HECW1: variants seen among roughly 807,000 people sequenced by gnomAD.
HECW1 encodes the protein HECT, C2 and WW domain containing E3 ubiquitin protein ligase 1.
A neutral mutation model predicts 182.3 loss-of-function variants in HECW1; 61 were observed. The ratio of observed to expected loss-of-function variants is 0.33; its 90% CI spans 0.27 to 0.41. HECW1 has a LOEUF of 0.41. Among genes scored for constraint, HECW1 ranks in the 10% least tolerant of loss-of-function variants. The pLI, the probability that HECW1 is intolerant of heterozygous loss-of-function variation, is 1.00. For missense variants in HECW1, 1,739 were observed against 2,108.9 expected, an observed-to-expected ratio of 0.82 and a Z score of 3.44; for synonymous variants, 859 against 832.6, an observed-to-expected ratio of 1.03 and a Z score of -0.55.
At chr7:43,217,399 C>T (rs1796539842) in intron 2 of HECW1, among the ~76,000 whole-genome samples, 1 of 152,210 alleles carries the variant, frequency 6.6e-6, no homozygotes, top group Non-Finnish European at 1.5e-5. Flanking sequence ...ACATGTTTCT[C>T]TCTACTTCAA....
At chr7:43,194,722 C>G (rs1334392886) in intron 2 of HECW1, among the ~76,000 whole-genome samples, 2 of 148,880 alleles carry the variant, frequency 1.3e-5, no homozygotes, top group African/African-American at 4.9e-5. Context: ...GAGATGGAGT[C>G]TCACTCTGTC....
At position 43,277,430 on chromosome 7, in the gene HECW1, T is replaced by C. The variant is rs115143420; in HGVS notation, c.27+33498T>C. 9.8e-3 allele frequency among the ~76,000 whole-genome samples: 1,496 copies of C among 152,300 alleles called. 26 individuals carry two copies. Among genetic ancestry groups the C allele is most frequent in the African/African-American group, 0.034 (1,421 of 41,550 alleles). On this transcript the variant is annotated intron_variant, in intron 3 of 29. Transcript: ENST00000395891. ...GCAGCCTGAAGCCATGGTTTTTCGT[T>C]TCTGTCTGTACTGATAAGCAGATAA...
rs552438173 is a variant in HECW1, at chr7:43,157,567, C to CT, written c.-32+43179dup. Reference sequence around the variant, plus strand: ...AAGGATAAAATTGATATATTCTTTTCTTTCTTTTTTTGAGACAGGGTCTCA... The same window carrying CT: ...AAGGATAAAATTGATATATTCTTTTCTTTTCTTTTTTTGAGACAGGGTCTCA... On this transcript the variant is annotated intron_variant, in intron 2 of 29. Coordinates refer to ENST00000395891, the MANE Select transcript of HECW1 (RefSeq NM_015052.5). 4.9e-3 allele frequency among the ~76,000 whole-genome samples: 740 copies of CT among 152,198 alleles called. 4 individuals carry two copies. The highest frequency in any genetic ancestry group is 0.02 in the Middle Eastern group (6 of 294).
chr7:43,423,796 C>T (rs1209670124), intron 8 of HECW1, among the ~76,000 whole-genome samples: 1 of 152,136 alleles, frequency 6.6e-6, no homozygotes, highest in Non-Finnish European at 1.5e-5. Context: ...ACACTACAGA[C>T]TGGAGCTGGA....
At chr7:43,537,470 C>T (rs2081217441) in intron 24 of HECW1, among the ~76,000 whole-genome samples, 1 of 152,220 alleles carries the variant, frequency 6.6e-6, no homozygotes, top group Non-Finnish European at 1.5e-5. Flanking sequence ...ATGTAATCAA[C>T]TTCCCCACAG....
At chr7:43,272,792 C>T (rs1276807815) in intron 3 of HECW1, among the ~76,000 whole-genome samples, 2 of 152,166 alleles carry the variant, frequency 1.3e-5, no homozygotes, top group South Asian at 2.1e-4. Context: ...ACAGAGCTAT[C>T]GTTTGTCCCA....
intron 24 of HECW1, chr7:43,522,564 G>A (rs114348901): frequency 0.021 from 3,149 of 153,346 alleles, 125 homozygotes; most frequent in African/African-American, 0.072. Flanking sequence ...TGGCCCTGGC[G>A]TGCTCTCACC....
At position 43,311,774 on chromosome 7, in the gene HECW1, G is replaced by A. The variant is rs915205808; in HGVS notation, c.39G>A (p.Gln13=). 4 of 1,613,894 alleles carry A rather than the reference G, an allele frequency of 2.5e-6. No homozygotes were observed. In the South Asian group the frequency reaches 4.4e-5, roughly 18 times the overall value. The change falls in exon 4 of 30, where the codon CAG becomes CAA. Residue 13 remains glutamine (Q), a synonymous_variant. Coordinates refer to ENST00000395891, the MANE Select transcript of HECW1 (RefSeq NM_015052.5). ...LHLCSVKNLY[Q]NRFLGLAAMA... is the part of the protein sequence containing the mutation. The stretch of plus-strand genomic sequence containing the variant: ...CTTTGCTCCCACAGAATCTGTACCA[G>A]AACAGGTTTTTAGGCCTGGCCGCCA...
chr7:43,209,411 A>G (rs1035217234), intron 2 of HECW1, among the ~76,000 whole-genome samples: 3 of 151,776 alleles, frequency 2.0e-5, no homozygotes, highest in Admixed American at 6.6e-5. Flanking sequence ...TGAGCCTCTC[A>G]CTCTGGATCC....
chr7:43,467,207 A>G (rs1408742196), intron 15 of HECW1, among the ~76,000 whole-genome samples: 2 of 152,186 alleles, frequency 1.3e-5, no homozygotes, highest in Admixed American at 1.3e-4. Flanking sequence ...TTGAGGAGCA[A>G]TGACGTGAAA....
In HECW1 at chr7:43,561,984, A is replaced by T; in HGVS notation, c.*58A>T. The stretch of plus-strand genomic sequence containing the variant: ...CAGTGACATCACCCTTCCTGGGATG[A>T]TCCCCTTTTCCCTTTCCCTTAATCA... On this transcript the variant is annotated 3_prime_UTR_variant, in exon 30 of 30. Coordinates refer to ENST00000395891, the MANE Select transcript of HECW1 (RefSeq NM_015052.5). The T allele has an allele frequency of 1.0e-6, 1 of 993,822 alleles. No individual in the cohort carries two copies. The highest frequency in any genetic ancestry group is 1.6e-6 in the Non-Finnish European group (1 of 622,594). The allele number at this position is 993,822 out of a possible 1,614,324, so 61.6% of individuals were successfully genotyped here.
rs1036976850 is a variant in HECW1, at chr7:43,424,538, G to A, written c.802-13465G>A. ...CTCGGGAAGCTGAGGTGGGAAAATG[G>A]CTTGAGCCCGGGGGGTCAAGGCTGC... On this transcript the variant is annotated intron_variant, in intron 8 of 29. Transcript: ENST00000395891. Among the ~76,000 whole-genome samples the A allele has an allele frequency of 2.6e-5, 4 of 152,068 alleles. No individual in the cohort carries two copies. The East Asian group carries it at 5.8e-4, about 22-fold the overall frequency.
rs564903192 is a variant in HECW1 at position 43,457,699 on chromosome 7, C to T, written c.2651+1252C>T. 5.3e-5 allele frequency among the ~76,000 whole-genome samples: 8 copies of T among 151,298 alleles called. No homozygotes were observed. In the South Asian group the frequency reaches 6.3e-4, roughly 12 times the overall value. On this transcript the variant is annotated intron_variant, in intron 13 of 29. Transcript: ENST00000395891. ...CTGAGGCAGGAGAATCGCTTGAACC[C>T]GGGAGGCAGAGGTTGCAGTGAGCTG... is the stretch of plus-strand genomic sequence containing the variant.
At position 43,311,746 on chromosome 7, in the gene HECW1, T is replaced by G. The variant is rs763522439; in HGVS notation, c.28-17T>G. On this transcript the variant is annotated splice_polypyrimidine_tract_variant and intron_variant, in intron 3 of 29. Coordinates refer to ENST00000395891, the MANE Select transcript of HECW1 (RefSeq NM_015052.5). ...CGGCGTGCCCTGACCCTGCTCACTG[T>G]CTCTTTGCTCCCACAGAATCTGTAC... 6.2e-7 allele frequency: 1 copy of G among 1,613,172 alleles called. No individual in the cohort carries two copies. The highest frequency in any genetic ancestry group is 1.1e-5 in the South Asian group (1 of 91,072).
intron 9 of HECW1, chr7:43,438,677 C>T (rs1485828147): frequency 1.3e-5 from 2 of 152,212 alleles, no homozygotes; most frequent in African/African-American, 4.8e-5. Flanking sequence ...TCACAGAATT[C>T]AATTGTATAT....
At chr7:43,218,318 C>T (rs1179311215) in intron 2 of HECW1, among the ~76,000 whole-genome samples, 2 of 152,224 alleles carry the variant, frequency 1.3e-5, no homozygotes, top group Non-Finnish European at 2.9e-5. Context: ...AGCACTGGGT[C>T]ACCTTGAGAA....
At chr7:43,448,578 T>C (rs2077136013) in intron 11 of HECW1, among the ~76,000 whole-genome samples, 1 of 152,230 alleles carries the variant, frequency 6.6e-6, no homozygotes, top group African/African-American at 2.4e-5. Context: ...AAAAGCACTC[T>C]GCTTCCCACC....
At position 43,450,918 on chromosome 7, in the gene HECW1, C is replaced by T. The variant is rs1203070301; in HGVS notation, c.2489C>T (p.Pro830Leu). Reference protein sequence around the residue: ...EHHHYPTIDEPLPPNWEARID... With the variant: ...EHHHYPTIDELLPPNWEARID... ...CATCACTACCCAACAATCGATGAGC[C>T]TCTTCCACCAAGTAAGCTTTAGTTT... The change falls in exon 12 of 30, where the codon CCT (proline) becomes CTT (leucine). Residue 830 changes from proline to leucine, a missense_variant. Physicochemically the swap from Pro to Leu is moderately conservative, Grantham distance 98. This residue lies in a region of HECW1 where 971 missense variants were observed against 1,029.1 expected (regional missense o/e 0.94). Coordinates refer to ENST00000395891, the MANE Select transcript of HECW1 (RefSeq NM_015052.5). 1.9e-6 allele frequency: 3 copies of T among 1,606,558 alleles called. No homozygotes were observed. Among genetic ancestry groups the T allele is most frequent in the Non-Finnish European group, 1.7e-6 (2 of 1,173,346 alleles).
At chr7:43,261,829 C>T (rs1328717926) in intron 3 of HECW1, among the ~76,000 whole-genome samples, 1 of 152,096 alleles carries the variant, frequency 6.6e-6, no homozygotes, top group African/African-American at 2.4e-5. Flanking sequence ...GAGTAACTGG[C>T]AGGTTTTTGC....
Sources: allele counts gnomAD v4.1 joint callset (sites outside exome capture counted in the v4.1 genomes callset), GRCh38; gene constraint gnomAD v4.1.1; regional missense constraint gnomAD v4.1.1; transcripts MANE v1.5; gene names NCBI Gene and HGNC (gene_info 2026-07-23, HGNC 2026-07-21).